The following USP4 variants were observed in gnomAD, a reference collection of about 807,000 sequenced individuals.
USP4 encodes ubiquitin carboxyl-terminal hydrolase 4.
A neutral mutation model predicts 118.2 loss-of-function variants in USP4; 72 were observed. The observed-to-expected ratio is 0.61, with a 90% CI of 0.50 to 0.74. USP4 has a LOEUF of 0.74. USP4 is among the 30% of genes least tolerant of loss of function. USP4 has a pLI of 0.00. For synonymous variants in USP4, 415 were observed against 440.4 expected, an observed-to-expected ratio of 0.94 and a Z score of 0.72; for missense variants, 1,037 against 1,185.7, an observed-to-expected ratio of 0.87 and a Z score of 1.84.
chr3:49,294,839 CCTT>C (rs1198381664), intron 13 of USP4, among the ~76,000 whole-genome samples: 14 of 152,298 alleles, frequency 9.2e-5, no homozygotes, highest in African/African-American at 3.1e-4. Flanking sequence ...CCGTGATACT[CCTT>C]CTTCCAACCA....
At chr3:49,289,730 G>C (rs2047132414) in intron 15 of USP4, among the ~76,000 whole-genome samples, 1 of 151,728 alleles carries the variant, frequency 6.6e-6, no homozygotes, top group Non-Finnish European at 1.5e-5. Context: ...AATTAGCCGG[G>C]CATGGTGGTG....
chr3:49,284,868 T>C lies in USP4; in HGVS notation c.2252A>G (p.Tyr751Cys), dbSNP rs1326382053. ...DWDSETRRLY[Y>C]DEQESEAYEK... ...ACCTACCTCAGATTCTTGCTCATCATAGTAAAGTCTCCGAGTTTCACTGTC... is the reference window on the plus strand; with the variant it reads ...ACCTACCTCAGATTCTTGCTCATCACAGTAAAGTCTCCGAGTTTCACTGTC... Residue 751 changes from tyrosine to cysteine, a missense_variant, in exon 17 of 22, where the codon TAT becomes TGT. Tyr to Cys is a radical substitution (Grantham distance 194). Around this residue, in one of 3 missense-constraint regions of USP4, gnomAD observed 522 missense variants for 592.6 expected, o/e 0.88. Coordinates refer to ENST00000265560, the MANE Select transcript of USP4 (RefSeq NM_003363.4). 5 of 1,613,742 alleles carry C rather than the reference T, an allele frequency of 3.1e-6. No homozygotes were observed. The highest frequency in any genetic ancestry group is 2.5e-6 in the Non-Finnish European group (3 of 1,179,846).
intron 18 of USP4, 65 bp from the exon 19 acceptor site, chr3:49,284,201 A>AT: frequency 6.3e-7 from 1 of 1,597,774 alleles, no homozygotes; most frequent in Non-Finnish European, 8.6e-7. Context: ...GCACTCATGC[A>AT]TGGAGGCACA....
intron 13 of USP4, among the ~76,000 whole-genome samples, chr3:49,296,878 G>A (rs2047215138): frequency 6.6e-6 from 1 of 152,228 alleles, no homozygotes; most frequent in Middle Eastern, 3.2e-3. Flanking sequence ...CAGAGACCAT[G>A]TTAAGGGCTT....
intron 16 of USP4, among the ~76,000 whole-genome samples, chr3:49,285,547 G>A (rs2047083198): frequency 6.6e-6 from 1 of 152,144 alleles, no homozygotes; most frequent in East Asian, 1.9e-4. Flanking sequence ...TCAGGAGGGT[G>A]AGGTGGGAAG....
intron 8 of USP4, among the ~76,000 whole-genome samples, chr3:49,308,510 G>A (rs1285340731): frequency 1.1e-4 from 16 of 151,710 alleles, no homozygotes; most frequent in Non-Finnish European, 1.5e-5. Flanking sequence ...TAGTGGAGAC[G>A]GGGTTTCACT....
At chr3:49,294,128 G>T (rs764717815) in intron 14 of USP4, among the ~76,000 whole-genome samples, 19 of 152,106 alleles carry the variant, frequency 1.2e-4, no homozygotes, top group Non-Finnish European at 1.9e-4. Flanking sequence ...TGGGATTACA[G>T]GCACCCACCA....
Position 49,317,103 on chromosome 3 carries a change from A to G in USP4, c.696-5449T>C, listed in dbSNP as rs553756181. 1.4e-5 allele frequency: 18 copies of G among 1,332,702 alleles called. No homozygotes were observed. The East Asian group carries it at 4.0e-4, about 29-fold the overall frequency. 82.6% of individuals were successfully genotyped at this position (1,332,702 alleles called of 1,614,324 possible). On this transcript the variant is annotated intron_variant, in intron 6 of 21. Coordinates refer to ENST00000265560, the MANE Select transcript of USP4 (RefSeq NM_003363.4). ...CTGGTCAGCTGTCCCTGCCACCACTACTTTTCTGGTCTGAGGCTGTAGCCT... is the reference window on the plus strand; with the variant it reads ...CTGGTCAGCTGTCCCTGCCACCACTGCTTTTCTGGTCTGAGGCTGTAGCCT...
rs1313831176 is a variant in USP4, at chr3:49,278,426, T to C, written c.2759A>G (p.Tyr920Cys). 1.2e-6 allele frequency: 2 copies of C among 1,614,102 alleles called. No homozygotes were observed. Among genetic ancestry groups the C allele is most frequent in the East Asian group, 2.2e-5 (1 of 44,886 alleles). ...ATAAAATTCATCATCTCGACGTTGG[T>C]AAAATAGCACATAAGCTGCTTTAGT... ...IVTKAAYVLF[Y>C]QRRDDEFYKT... The change falls in exon 22 of 22, where the codon TAC (tyrosine) becomes TGC (cysteine). Residue 920 changes from tyrosine to cysteine, a missense_variant. This residue lies in a region of USP4 where 522 missense variants were observed against 592.6 expected (regional missense o/e 0.88). Transcript: ENST00000265560.
At chr3:49,281,909 G>T (rs1463278443) in intron 19 of USP4, among the ~76,000 whole-genome samples, 1 of 151,838 alleles carries the variant, frequency 6.6e-6, no homozygotes, top group Non-Finnish European at 1.5e-5. Context: ...TACTCAGGAG[G>T]CTGAGGCAGG....
intron 8 of USP4, among the ~76,000 whole-genome samples, chr3:49,309,869 C>T (rs1054569993): frequency 1.3e-5 from 2 of 149,364 alleles, no homozygotes; most frequent in Admixed American, 6.8e-5. Context: ...TCAGGTTATC[C>T]ACCCGCCTTA....
chr3:49,337,596 T>G (rs1340496043), intron 1 of USP4, among the ~76,000 whole-genome samples: 1 of 151,704 alleles, frequency 6.6e-6, no homozygotes, highest in Non-Finnish European at 1.5e-5. Flanking sequence ...GCCTGGCTAA[T>G]TTATTTTTTT....
At chr3:49,284,626 C>T in intron 17 of USP4, 42 bp from the exon 18 acceptor site, 1 of 1,567,126 alleles carries the variant, frequency 6.4e-7, no homozygotes, top group Admixed American at 1.7e-5. Context: ...AGAAAGAGAT[C>T]TTACTGCATT....
intron 6 of USP4, among the ~76,000 whole-genome samples, chr3:49,315,941 C>T (rs767707538): frequency 3.3e-5 from 5 of 151,992 alleles, no homozygotes; most frequent in Admixed American, 6.6e-5. Context: ...TGGTGGCTCA[C>T]GCCTGTAATC....
intron 13 of USP4, among the ~76,000 whole-genome samples, chr3:49,297,160 G>C (rs188874932): frequency 1.3e-5 from 2 of 152,330 alleles, no homozygotes; most frequent in East Asian, 3.9e-4. Context: ...GAGGTAAAGA[G>C]GGAGGGACAG....
intron 19 of USP4, among the ~76,000 whole-genome samples, chr3:49,282,850 G>C (rs1474931068): frequency 6.6e-6 from 1 of 151,598 alleles, no homozygotes; most frequent in Non-Finnish European, 1.5e-5. Flanking sequence ...TGGGATTACA[G>C]GCGTGCACCA....
At chr3:49,304,791 T>C (rs755324287) in intron 9 of USP4, among the ~76,000 whole-genome samples, 1 of 151,318 alleles carries the variant, frequency 6.6e-6, no homozygotes, top group Non-Finnish European at 1.5e-5. Flanking sequence ...TGAGACAGAG[T>C]CTCACTCTGT....
At chr3:49,305,044 G>T (rs1047302774) in intron 9 of USP4, among the ~76,000 whole-genome samples, 28 of 149,772 alleles carry the variant, frequency 1.9e-4, no homozygotes, top group African/African-American at 6.7e-4. Context: ...TTACAGGAAT[G>T]AGCCACCACG....
At chr3:49,308,585 C>T (rs968050503) in intron 8 of USP4, among the ~76,000 whole-genome samples, 2 of 151,968 alleles carry the variant, frequency 1.3e-5, no homozygotes, top group African/African-American at 2.4e-5. Flanking sequence ...TCCCAAAGTG[C>T]TGGGATTACA....
Sources: allele counts gnomAD v4.1 joint callset (sites outside exome capture counted in the v4.1 genomes callset), GRCh38; gene constraint gnomAD v4.1.1; regional missense constraint gnomAD v4.1.1; transcripts MANE v1.5; gene names NCBI Gene and HGNC (gene_info 2026-07-23, HGNC 2026-07-21).